The following PPP3CA variants were observed in gnomAD, a reference collection of about 807,000 sequenced individuals.
The protein encoded by PPP3CA is protein phosphatase 3 catalytic subunit alpha.
A neutral mutation model predicts 66.5 loss-of-function variants in PPP3CA; 14 were observed. That is an observed-to-expected ratio of 0.21 (90% CI 0.14 to 0.33). PPP3CA has a LOEUF of 0.33. PPP3CA is among the 10% of genes least tolerant of loss of function. The pLI is 1.00. For missense variants in PPP3CA, 317 were observed against 639.5 expected (o/e 0.50, Z 5.44); for synonymous variants, 232 against 226.2 (o/e 1.03, Z -0.23).
intron 1 of PPP3CA, among the ~76,000 whole-genome samples, chr4:101,318,141 G>C (rs898886724): frequency 6.6e-6 from 1 of 152,044 alleles, no homozygotes; most frequent in Admixed American, 6.6e-5. Flanking sequence ...TTGAACACTG[G>C]AGTTGTATTT....
At chr4:101,116,391 A>C (rs1244234086) in intron 2 of PPP3CA, among the ~76,000 whole-genome samples, 1 of 151,948 alleles carries the variant, frequency 6.6e-6, no homozygotes, top group East Asian at 1.9e-4. Context: ...AATTTATTGA[A>C]TTTATTGATT....
At chr4:101,173,809 G>T (rs1377493488) in intron 2 of PPP3CA, among the ~76,000 whole-genome samples, 1 of 152,076 alleles carries the variant, frequency 6.6e-6, no homozygotes, top group Non-Finnish European at 1.5e-5. Context: ...TTCACATTTT[G>T]GTAGGCCAAG....
At position 101,025,714 on chromosome 4, in the gene PPP3CA, A is replaced by T; in HGVS notation, c.*151T>A. 1.8e-6 allele frequency: 1 copy of T among 551,404 alleles called. No homozygotes were observed. Among genetic ancestry groups the T allele is most frequent in the East Asian group, 3.1e-5 (1 of 32,666 alleles). The allele number at this position is 551,404 out of a possible 1,614,324, so 34.2% of individuals were successfully genotyped here. On this transcript the variant is annotated 3_prime_UTR_variant, in exon 14 of 14. Coordinates refer to ENST00000394854, the MANE Select transcript of PPP3CA (RefSeq NM_000944.5). ...ATCTCTCTCCCTCTTTTTTAATGAT[A>T]GTGTAAACTGAATCCAATTCCTGGC... is the stretch of plus-strand genomic sequence containing the variant.
intron 1 of PPP3CA, among the ~76,000 whole-genome samples, chr4:101,246,797 A>G (rs1471518936): frequency 6.6e-6 from 1 of 152,106 alleles, no homozygotes; most frequent in Non-Finnish European, 1.5e-5. Flanking sequence ...GGGCTTTGTT[A>G]TTTGTGATTT....
chr4:101,116,668 A>T (rs963386220), intron 2 of PPP3CA, among the ~76,000 whole-genome samples: 1 of 151,932 alleles, frequency 6.6e-6, no homozygotes, highest in Non-Finnish European at 1.5e-5. Context: ...GATAAAGGGG[A>T]CACTGCAGTT....
intron 11 of PPP3CA, among the ~76,000 whole-genome samples, chr4:101,034,904 T>C (rs1205820408): frequency 6.6e-6 from 1 of 152,194 alleles, no homozygotes; most frequent in African/African-American, 2.4e-5. Context: ...ATATTCAAAA[T>C]ATGGCTTTTG....
chr4:101,087,868 A>G (rs138767359), intron 6 of PPP3CA, among the ~76,000 whole-genome samples: 66 of 152,246 alleles, frequency 4.3e-4, no homozygotes, highest in African/African-American at 1.5e-3. Flanking sequence ...GAAGCAGCTA[A>G]TGTAATTTGG....
At chr4:101,121,883 CT>C (rs758956179) in intron 2 of PPP3CA, among the ~76,000 whole-genome samples, 2 of 151,906 alleles carry the variant, frequency 1.3e-5, no homozygotes, top group Non-Finnish European at 2.9e-5. Context: ...CTGATCTGGC[CT>C]TTTATCAATA....
At chr4:101,250,064 A>G (rs897644921) in intron 1 of PPP3CA, among the ~76,000 whole-genome samples, 2 of 152,190 alleles carry the variant, frequency 1.3e-5, no homozygotes, top group South Asian at 4.1e-4. Context: ...ATGTTATTTA[A>G]TAAATATTAA....
chr4:101,119,855 T>C (rs2110272110), intron 2 of PPP3CA, among the ~76,000 whole-genome samples: 1 of 152,206 alleles, frequency 6.6e-6, no homozygotes, highest in African/African-American at 2.4e-5. Flanking sequence ...TATTCTTATA[T>C]GGCAATATTT....
At position 101,033,293 on chromosome 4, in the gene PPP3CA, AACACACACACACACACAC is replaced by A. The variant is rs70961772; in HGVS notation, c.1242-947_1242-930del. On this transcript the variant is annotated intron_variant, in intron 11 of 13. Transcript: ENST00000394854. The stretch of plus-strand genomic sequence containing the variant: ...ACATAGAGACACACACACACACACA[AACACACACACACACACAC>A]ACACACACACACACACACAGGGAGA... Among the ~76,000 whole-genome samples, 336 of 139,368 alleles carry A rather than the reference AACACACACACACACACAC, an allele frequency of 2.4e-3. 1 individual carries two copies. The highest frequency in any genetic ancestry group is 8.8e-3 in the African/African-American group (329 of 37,480). 91.4% of individuals were successfully genotyped at this position (139,368 alleles called of 152,430 possible).
intron 3 of PPP3CA, among the ~76,000 whole-genome samples, chr4:101,106,391 A>C (rs543831689): frequency 1.7e-4 from 1 of 5,810 alleles, no homozygotes; most frequent in Non-Finnish European, 4.0e-4. Context: ...GAAAGAAAGA[A>C]AGAAAGAAAG....
chr4:101,333,270 GTTTTTTT>G (rs70961788), intron 1 of PPP3CA, among the ~76,000 whole-genome samples: 13,688 of 47,224 alleles, frequency 0.29, 2,041 homozygotes, highest in Admixed American at 0.51. Context: ...ACCATGCCCA[GTTTTTTT>G]TTTTTTTTTT....
At chr4:101,033,253 C>T (rs1391023731) in intron 11 of PPP3CA, among the ~76,000 whole-genome samples, 8 of 148,900 alleles carry the variant, frequency 5.4e-5, no homozygotes, top group Admixed American at 6.8e-5. Flanking sequence ...CATATATTTG[C>T]GTGTATATAT....
intron 11 of PPP3CA, among the ~76,000 whole-genome samples, chr4:101,033,184 A>G (rs1217254525): frequency 6.6e-6 from 1 of 152,082 alleles, no homozygotes; most frequent in African/African-American, 2.4e-5. Flanking sequence ...GCAATCCTAC[A>G]TAACCAGAAA....
chr4:101,209,121 TAGAA>T (rs1224372190), intron 1 of PPP3CA, among the ~76,000 whole-genome samples: 3 of 152,150 alleles, frequency 2.0e-5, no homozygotes, highest in Non-Finnish European at 2.9e-5. Context: ...TTGTAATTAT[TAGAA>T]AGAAATAATT....
chr4:101,216,710 A>T (rs1228974608), intron 1 of PPP3CA, among the ~76,000 whole-genome samples: 1 of 151,528 alleles, frequency 6.6e-6, no homozygotes, highest in Non-Finnish European at 1.5e-5. Flanking sequence ...TTTATTTTTT[A>T]TTTATTCATT....
At chr4:101,261,869 A>T (rs1388223864) in intron 1 of PPP3CA, among the ~76,000 whole-genome samples, 2 of 152,030 alleles carry the variant, frequency 1.3e-5, no homozygotes, top group East Asian at 3.9e-4. Context: ...CACCCAAAAA[A>T]AAAGCTATCA....
chr4:101,320,477 T>G (rs1729004421), intron 1 of PPP3CA, among the ~76,000 whole-genome samples: 1 of 115,280 alleles, frequency 8.7e-6, no homozygotes, highest in Admixed American at 8.4e-5. Flanking sequence ...TGTATGTATG[T>G]GTGTGTGTGT....
Sources: gnomAD v4.1 joint callset for allele counts (sites outside exome capture counted in the v4.1 genomes callset) on GRCh38, gnomAD v4.1.1 for gene constraint, MANE v1.5 for transcripts, NCBI Gene and HGNC (gene_info 2026-07-23, HGNC 2026-07-21) for gene names.